Variants in PKN2 observed in about 807,000 individuals in gnomAD.
The protein encoded by PKN2 is protein kinase N2, also known as serine/threonine-protein kinase N2.
In PKN2, 38 loss-of-function variants were observed where a neutral mutation model predicts 119.1. The ratio of observed to expected loss-of-function variants is 0.32; its 90% confidence interval spans 0.25 to 0.42. The LOEUF (loss-of-function observed/expected upper bound fraction) is 0.42, where lower values mean the gene tolerates loss of function less well. PKN2 is among the 10% of genes least tolerant of loss of function. The pLI, the probability that PKN2 is intolerant of heterozygous loss-of-function variation, is 1.00. For synonymous variants in PKN2, 390 were observed against 384.9 expected, an observed-to-expected ratio of 1.01 and a Z score of -0.15; for missense variants, 850 against 1,165.1, an observed-to-expected ratio of 0.73 and a Z score of 3.94.
chr1:88,785,979 A>G, intron 7 of PKN2, 125 bp from the exon 8 acceptor site: 2 of 587,988 alleles, frequency 3.4e-6, no homozygotes, highest in Non-Finnish European at 6.0e-6. Flanking sequence ...AAAAGTTTTA[A>G]TATTGATTAT....
At chr1:88,699,746 AG>A (rs1666696915) in intron 1 of PKN2, among the ~76,000 whole-genome samples, 1 of 152,066 alleles carries the variant, frequency 6.6e-6, no homozygotes, top group Non-Finnish European at 1.5e-5. Flanking sequence ...GTCCCTGCAA[AG>A]GACATGATAT....
intron 2 of PKN2, among the ~76,000 whole-genome samples, chr1:88,747,746 T>C (rs1344680049): frequency 6.6e-6 from 1 of 152,114 alleles, no homozygotes; most frequent in African/African-American, 2.4e-5. Flanking sequence ...CTTATTAATT[T>C]GGTGAATATT....
chr1:88,831,060 T>C (rs1241789437), intron 19 of PKN2, among the ~76,000 whole-genome samples: 1 of 151,984 alleles, frequency 6.6e-6, no homozygotes, highest in African/African-American at 2.4e-5. Flanking sequence ...TAAACAAACA[T>C]CGCAAGTCCC....
rs766948314 is a variant in PKN2, at chr1:88,786,142, G to A, written c.1210G>A (p.Val404Ile). 1 of 1,612,984 alleles carries A rather than the reference G, an allele frequency of 6.2e-7. No individual in the cohort carries two copies. Among genetic ancestry groups the A allele is most frequent in the Non-Finnish European group, 8.5e-7 (1 of 1,179,066 alleles). ...TGTTTTGAAGCTCGATAATACTGTG[G>A]TTGGCCAAACTAGCTGGAAACCCAT... is the stretch of plus-strand genomic sequence containing the variant. ...CAVLKLDNTV[V>I]GQTSWKPISN... Residue 404 changes from valine (V) to isoleucine (I), a missense_variant, in exon 8 of 22, where the codon GTT becomes ATT. By Grantham distance (29) the Val-to-Ile change is conservative (BLOSUM62 3). Around this residue, in one of 9 missense-constraint regions of PKN2, gnomAD observed 350 missense variants for 511.1 expected, o/e 0.68. Transcript: ENST00000370521.
intron 1 of PKN2, among the ~76,000 whole-genome samples, chr1:88,724,691 C>A (rs1667826136): frequency 6.6e-6 from 1 of 151,552 alleles, no homozygotes; most frequent in African/African-American, 2.4e-5. Context: ...CCTGCCCCAG[C>A]CTCCTGAGTA....
At chr1:88,707,234 A>G (rs530894092) in intron 1 of PKN2, among the ~76,000 whole-genome samples, 12 of 152,084 alleles carry the variant, frequency 7.9e-5, no homozygotes, top group Non-Finnish European at 1.3e-4. Flanking sequence ...TGTAAGCCCT[A>G]CTTTTTTTGA....
At chr1:88,722,716 G>A (rs1178310996) in intron 1 of PKN2, among the ~76,000 whole-genome samples, 1 of 151,710 alleles carries the variant, frequency 6.6e-6, no homozygotes, top group African/African-American at 2.4e-5. Flanking sequence ...TTGAGGGGTT[G>A]AGACTGCAGT....
At chr1:88,715,636 G>T (rs1458047977) in intron 1 of PKN2, among the ~76,000 whole-genome samples, 1 of 152,086 alleles carries the variant, frequency 6.6e-6, no homozygotes. Flanking sequence ...TGGAATTGGT[G>T]ATGATATCCC....
chr1:88,743,237 C>T (rs763619257), intron 2 of PKN2, among the ~76,000 whole-genome samples: 14 of 152,090 alleles, frequency 9.2e-5, no homozygotes, highest in Non-Finnish European at 1.8e-4. Flanking sequence ...ACAAAATGCA[C>T]GTATTTTAAG....
At chr1:88,798,444 C>T (rs773714034) in intron 8 of PKN2, among the ~76,000 whole-genome samples, 73 of 151,736 alleles carry the variant, frequency 4.8e-4, no homozygotes, top group African/African-American at 1.7e-3. Flanking sequence ...ATGGGGGAAA[C>T]GTGGAGATGA....
Position 88,779,602 on chromosome 1 carries a change from A to T in PKN2, c.986-5037A>T, listed in dbSNP as rs142247726. 3.6e-3 allele frequency among the ~76,000 whole-genome samples: 550 copies of T among 152,172 alleles called. 4 individuals are homozygous for T. Among genetic ancestry groups the T allele is most frequent in the African/African-American group, 0.013 (533 of 41,496 alleles). Reference sequence around the variant, plus strand: ...TTTTTATGGACCATGTGAATATGACATATTTTTGTTACACAGACTTTCCAG... The same window carrying T: ...TTTTTATGGACCATGTGAATATGACTTATTTTTGTTACACAGACTTTCCAG... On this transcript the variant is annotated intron_variant, in intron 6 of 21. Transcript: ENST00000370521.
At chr1:88,778,438 A>G (rs1298551917) in intron 6 of PKN2, among the ~76,000 whole-genome samples, 2 of 152,248 alleles carry the variant, frequency 1.3e-5, no homozygotes, top group African/African-American at 4.8e-5. Context: ...TTGAGAGTCA[A>G]CCATAGGTTA....
chr1:88,830,898 A>G (rs1672701863), intron 19 of PKN2, among the ~76,000 whole-genome samples: 1 of 151,988 alleles, frequency 6.6e-6, no homozygotes, highest in East Asian at 1.9e-4. Flanking sequence ...GCTAGTGATA[A>G]CTCCTTTTTA....
At chr1:88,753,911 T>G (rs1669100414) in intron 2 of PKN2, among the ~76,000 whole-genome samples, 1 of 152,148 alleles carries the variant, frequency 6.6e-6, no homozygotes, top group Non-Finnish European at 1.5e-5. Flanking sequence ...TCTTTTAACA[T>G]AAAGTAGCTG....
At chr1:88,707,251 TCATCTTACTGC>T (rs1454338070) in intron 1 of PKN2, among the ~76,000 whole-genome samples, 1 of 152,150 alleles carries the variant, frequency 6.6e-6, no homozygotes, top group Non-Finnish European at 1.5e-5. Flanking sequence ...TTGACATTCT[TCATCTTACTGC>T]CTACTACGTT....
intron 1 of PKN2, among the ~76,000 whole-genome samples, chr1:88,724,695 C>T (rs1667826775): frequency 6.6e-6 from 1 of 151,394 alleles, no homozygotes. Flanking sequence ...CCCCAGCCTC[C>T]TGAGTAGCTG....
intron 1 of PKN2, among the ~76,000 whole-genome samples, chr1:88,716,681 T>G (rs189290958): frequency 4.8e-4 from 73 of 152,308 alleles, no homozygotes; most frequent in Non-Finnish European, 7.2e-4. Context: ...TTTGAGCCTA[T>G]GTGTGTCTCT....
intron 1 of PKN2, among the ~76,000 whole-genome samples, chr1:88,716,438 G>A (rs2100696114): frequency 6.6e-6 from 1 of 152,266 alleles, no homozygotes; most frequent in Non-Finnish European, 1.5e-5. Context: ...AAGTCTCTTT[G>A]TAGGTCTCTA....
intron 16 of PKN2, among the ~76,000 whole-genome samples, chr1:88,817,158 C>A (rs932024117): frequency 2.6e-5 from 4 of 152,154 alleles, no homozygotes; most frequent in African/African-American, 9.7e-5. Flanking sequence ...CAGTAAAACA[C>A]TGGCAAACCA....
Sources: gnomAD v4.1 joint callset for allele counts (sites outside exome capture counted in the v4.1 genomes callset) on GRCh38, gnomAD v4.1.1 for gene constraint, gnomAD v4.1.1 regional missense constraint, MANE v1.5 for transcripts, NCBI Gene and HGNC (gene_info 2026-07-23, HGNC 2026-07-21) for gene names.